Variants in PPP3CA observed in about 807,000 individuals in gnomAD.
PPP3CA encodes the protein protein phosphatase 3 catalytic subunit alpha, also known as CAM-PRP catalytic subunit.
In PPP3CA, 14 loss-of-function variants were observed where a neutral mutation model predicts 66.5. The ratio of observed to expected loss-of-function variants is 0.21; its 90% confidence interval spans 0.14 to 0.33. PPP3CA has a LOEUF of 0.33. Ranked by LOEUF, PPP3CA falls within the 10% of genes least tolerant of loss-of-function variation. PPP3CA has a pLI of 1.00. For missense variants in PPP3CA, 317 were observed against 639.5 expected (o/e 0.50, Z 5.44); for synonymous variants, 232 against 226.2 (o/e 1.03, Z -0.23).
chr4:101,206,729 G>A (rs1725141666), intron 1 of PPP3CA, among the ~76,000 whole-genome samples: 1 of 152,176 alleles, frequency 6.6e-6, no homozygotes, highest in Non-Finnish European at 1.5e-5. Flanking sequence ...TGTAAGAAAG[G>A]ATTGTCTTTT....
chr4:101,096,419 G>A (rs1188773644), intron 5 of PPP3CA, among the ~76,000 whole-genome samples: 7 of 152,150 alleles, frequency 4.6e-5, no homozygotes, highest in Non-Finnish European at 8.8e-5. Context: ...TATTCATTTT[G>A]TAGTAGAGGT....
intron 1 of PPP3CA, among the ~76,000 whole-genome samples, chr4:101,267,376 G>A (rs1486512513): frequency 6.6e-6 from 1 of 152,056 alleles, no homozygotes; most frequent in East Asian, 1.9e-4. Flanking sequence ...ATTTCTCAGG[G>A]CCTATGATAC....
intron 2 of PPP3CA, among the ~76,000 whole-genome samples, chr4:101,184,046 A>G (rs986236434): frequency 2.6e-5 from 4 of 152,186 alleles, no homozygotes; most frequent in Non-Finnish European, 5.9e-5. Flanking sequence ...AAAAAAGAGA[A>G]GTGACTCCCA....
At chr4:101,218,955 C>T (rs948998200) in intron 1 of PPP3CA, among the ~76,000 whole-genome samples, 7 of 152,042 alleles carry the variant, frequency 4.6e-5, no homozygotes, top group Non-Finnish European at 1.0e-4. Context: ...CACAAATAAA[C>T]GCATTGTCCC....
chr4:101,039,730 C>T (rs1163366020), intron 11 of PPP3CA, among the ~76,000 whole-genome samples: 2 of 143,728 alleles, frequency 1.4e-5, no homozygotes, highest in African/African-American at 5.1e-5. Context: ...AGAGTTGGGG[C>T]AAAAATTTGG....
In PPP3CA at chr4:101,024,074, A is replaced by C. The variant is rs1726507963; in HGVS notation, c.*1791T>G. On this transcript the variant is annotated 3_prime_UTR_variant, in exon 14 of 14. Coordinates refer to ENST00000394854, the MANE Select transcript of PPP3CA (RefSeq NM_000944.5). ...TAAAAAGGAATGCTCTGGTTTTTTA[A>C]CTGGCTCCTTGAGGAAGCCAGAAGA... The C allele has an allele frequency of 6.6e-6, 1 of 152,266 alleles. No homozygotes were observed. Among genetic ancestry groups the C allele is most frequent in the South Asian group, 2.1e-4 (1 of 4,838 alleles). 9.4% of individuals were successfully genotyped at this position (152,266 alleles called of 1,614,324 possible).
chr4:101,145,126 T>C (rs1044075290), intron 2 of PPP3CA, among the ~76,000 whole-genome samples: 6 of 152,138 alleles, frequency 3.9e-5, no homozygotes, highest in Non-Finnish European at 5.9e-5. Flanking sequence ...TGGAAAACAC[T>C]GCTCTATATA....
intron 1 of PPP3CA, among the ~76,000 whole-genome samples, chr4:101,263,739 G>T (rs1727079603): frequency 6.6e-5 from 10 of 151,576 alleles, no homozygotes. Flanking sequence ...TGATTAAATT[G>T]TCAGTTCTTT....
chr4:101,336,582 G>GA (rs534710537), intron 1 of PPP3CA, among the ~76,000 whole-genome samples: 8,471 of 98,670 alleles, frequency 0.086, 345 homozygotes, highest in East Asian at 0.24. Context: ...AAAAAAAAAT[G>GA]AAAAAAAAAA....
chr4:101,126,518 CACTT>C lies in PPP3CA; in HGVS notation c.260-17444_260-17441del, dbSNP rs372238614. Among the ~76,000 whole-genome samples, 983 of 152,270 alleles carry C rather than the reference CACTT, an allele frequency of 6.5e-3. 6 individuals are homozygous for C. Among genetic ancestry groups the C allele is most frequent in the South Asian group, 0.035 (170 of 4,830 alleles). On this transcript the variant is annotated intron_variant, in intron 2 of 13. Transcript: ENST00000394854. ...TAATATTTCAGAGATTATTGCTTCT[CACTT>C]ACAGTCATAATCCTGTATTTAGGAA...
At chr4:101,044,091 A>G (rs1299687894) in intron 10 of PPP3CA, among the ~76,000 whole-genome samples, 1 of 152,176 alleles carries the variant, frequency 6.6e-6, no homozygotes, top group Non-Finnish European at 1.5e-5. Flanking sequence ...TAATCTCACA[A>G]AGATTTATAA....
rs1434092585 is a variant in PPP3CA at position 101,083,219 on chromosome 4, G to C, written c.827C>G (p.Ser276Cys). The C allele has an allele frequency of 6.2e-7, 1 of 1,605,114 alleles. No homozygotes were observed. Among genetic ancestry groups the C allele is most frequent in the Admixed American group, 1.7e-5 (1 of 59,042 alleles). The change falls in exon 7 of 14, where the codon TCT becomes TGT. Residue 276 changes from serine to cysteine, a missense_variant. Physicochemically the swap from Ser to Cys is moderately radical, Grantham distance 112. Transcript: ENST00000394854. ...CEFLQHNNLL[S>C]ILRAHEAQDA... ...TTGGGCTTCGTGGGCTCGGAGTATA[G>C]ATAACAAGTTATTGTGCTGTAAGAA...
intron 6 of PPP3CA, among the ~76,000 whole-genome samples, chr4:101,085,445 C>T (rs1188586430): frequency 2.6e-5 from 4 of 152,036 alleles, no homozygotes; most frequent in Non-Finnish European, 5.9e-5. Context: ...CTAAGTTTTT[C>T]CCCATGAAAA....
chr4:101,083,097 T>C, intron 7 of PPP3CA, 89 bp downstream of exon 7: 1 of 1,014,984 alleles, frequency 9.9e-7, no homozygotes, highest in Non-Finnish European at 1.4e-6. Flanking sequence ...GTGAGCCTGG[T>C]AAAAGGGAAC....
intron 1 of PPP3CA, among the ~76,000 whole-genome samples, chr4:101,327,924 T>G (rs950318018): frequency 2.0e-5 from 3 of 152,148 alleles, no homozygotes; most frequent in African/African-American, 7.2e-5. Flanking sequence ...TGGACACCTT[T>G]CATAAACAAC....
chr4:101,171,036 A>G (rs1244666357), intron 2 of PPP3CA: 1 of 321,350 alleles, frequency 3.1e-6, no homozygotes, highest in African/African-American at 2.2e-5. Flanking sequence ...TTAAATATTT[A>G]CTGTTTTACT....
intron 2 of PPP3CA, among the ~76,000 whole-genome samples, chr4:101,120,979 T>C (rs986038947): frequency 6.6e-6 from 1 of 152,142 alleles, no homozygotes; most frequent in African/African-American, 2.4e-5. Flanking sequence ...GCAAAAATCA[T>C]GTTTGCCTAA....
chr4:101,088,218 G>C (rs995848684), intron 6 of PPP3CA, among the ~76,000 whole-genome samples: 2 of 152,084 alleles, frequency 1.3e-5, no homozygotes, highest in African/African-American at 4.8e-5. Flanking sequence ...TATTTTACTT[G>C]TCTGTTTCTG....
At chr4:101,165,268 C>T (rs1357180124) in intron 2 of PPP3CA, among the ~76,000 whole-genome samples, 3 of 152,120 alleles carry the variant, frequency 2.0e-5, no homozygotes, top group Non-Finnish European at 4.4e-5. Context: ...AATAATCAAA[C>T]GAAGACAGAC....
Sources: allele counts gnomAD v4.1 joint callset (sites outside exome capture counted in the v4.1 genomes callset), GRCh38; gene constraint gnomAD v4.1.1; transcripts MANE v1.5; gene names NCBI Gene and HGNC (gene_info 2026-07-23, HGNC 2026-07-21).